CLVS1: variants seen among roughly 807,000 people sequenced by gnomAD.
The protein encoded by CLVS1 is clavesin-1.
A neutral mutation model predicts 33.1 loss-of-function variants in CLVS1; 10 were observed. The observed-to-expected ratio is 0.30, with a 90% CI of 0.19 to 0.51. CLVS1 has a LOEUF of 0.51. CLVS1 is among the 20% of genes least tolerant of loss of function. The pLI is 0.97. For missense variants in CLVS1, 343 were observed against 433.4 expected, an observed-to-expected ratio of 0.79 and a Z score of 1.85; for synonymous variants, 163 against 166.1, an observed-to-expected ratio of 0.98 and a Z score of 0.14.
At position 61,220,642 on chromosome 8, in the gene CLVS1, G is replaced by T. The variant is rs868010421; in HGVS notation, c.-151-79035G>T. On this transcript the variant is annotated intron_variant, in intron 2 of 2. Transcript: ENST00000522621. ...GCTTAGGATTGTCTTGGCTATACAG[G>T]TTTTTTTTTTTATTTTATATGAAAT... 3.3e-4 allele frequency among the ~76,000 whole-genome samples: 48 copies of T among 147,492 alleles called. No homozygotes were observed. The Middle Eastern group carries it at 0.014, about 42-fold the overall frequency.
At chr8:61,051,115 C>T in the CLVS1 span, among the ~76,000 whole-genome samples, 6 of 152,298 alleles carry the variant, frequency 3.9e-5, no homozygotes, top group Middle Eastern at 3.4e-3. Context: ...TTGCAGATTC[C>T]TAGAACATTA....
Position 61,451,812 on chromosome 8 carries a change from CAGAGAG to C in CLVS1, c.631-2299_631-2294del, listed in dbSNP as rs71257362. On this transcript the variant is annotated intron_variant, in intron 3 of 5. Transcript: ENST00000325897. ...CCTCTGTACAAAACACACACACACA[CAGAGAG>C]AGAGAGAGAGAGAGAGAGAGAGAGA... 8.5e-4 allele frequency among the ~76,000 whole-genome samples: 122 copies of C among 142,918 alleles called. No individual in the cohort carries two copies. In the Middle Eastern group the frequency reaches 0.014, roughly 16 times the overall value. 93.8% of individuals were successfully genotyped at this position (142,918 alleles called of 152,430 possible). A position where few individuals can be genotyped will look rare whatever the true frequency, so the allele number is the denominator to read the frequency against.
chr8:61,083,903 T>C (rs1805071665), intron 1 of CLVS1, among the ~76,000 whole-genome samples: 3 of 152,172 alleles, frequency 2.0e-5, no homozygotes, highest in South Asian at 2.1e-4. Flanking sequence ...GAAATAAAGA[T>C]GTACATTTAC....
intron 2 of CLVS1, among the ~76,000 whole-genome samples, chr8:61,159,042 CTTT>C (rs200077054): frequency 6.6e-6 from 1 of 151,286 alleles, no homozygotes; most frequent in Non-Finnish European, 1.5e-5. Flanking sequence ...ATTAAAAACA[CTTT>C]TTTTTTGGTA....
intron 5 of CLVS1, among the ~76,000 whole-genome samples, chr8:61,490,766 C>A (rs1318808007): frequency 6.6e-6 from 1 of 151,720 alleles, no homozygotes; most frequent in Non-Finnish European, 1.5e-5. Flanking sequence ...CAGGACCAGC[C>A]TGGCCAACAT....
chr8:61,010,360 C>T, the CLVS1 span, among the ~76,000 whole-genome samples: 1 of 152,146 alleles, frequency 6.6e-6, no homozygotes, highest in African/African-American at 2.4e-5. Flanking sequence ...ACAGGACAAC[C>T]GGATGCATTA....
intron 5 of CLVS1, among the ~76,000 whole-genome samples, chr8:61,487,887 C>T (rs947102042): frequency 6.6e-6 from 1 of 152,182 alleles, no homozygotes; most frequent in African/African-American, 2.4e-5. Context: ...TTTCGTCAGC[C>T]ATTGCCAACT....
chr8:61,349,455 A>C (rs1812358573), intron 2 of CLVS1, among the ~76,000 whole-genome samples: 1 of 152,114 alleles, frequency 6.6e-6, no homozygotes, highest in South Asian at 2.1e-4. Flanking sequence ...AGGGTCAAGG[A>C]CACCTCTCAG....
intron 5 of CLVS1, among the ~76,000 whole-genome samples, chr8:61,479,780 T>C (rs1198346745): frequency 6.6e-6 from 1 of 152,226 alleles, no homozygotes; most frequent in Non-Finnish European, 1.5e-5. Flanking sequence ...GTCCTTTCTG[T>C]TTGTTAGTTT....
chr8:61,117,697 C>A (rs1158513157), intron 1 of CLVS1, among the ~76,000 whole-genome samples: 1 of 152,122 alleles, frequency 6.6e-6, no homozygotes, highest in Non-Finnish European at 1.5e-5. Context: ...TATATTGAAC[C>A]AGCCTTGCAT....
In CLVS1 at chr8:61,388,620, A is replaced by C. The variant is rs1443446553; in HGVS notation, c.630+11841A>C. Among the ~76,000 whole-genome samples, 4 of 151,828 alleles carry C rather than the reference A, an allele frequency of 2.6e-5. No individual in the cohort carries two copies. The East Asian group carries it at 5.8e-4, about 22-fold the overall frequency. On this transcript the variant is annotated intron_variant, in intron 3 of 5. Transcript: ENST00000325897. ...GCGCACTTCATTCTTTTTTTGTTAT[A>C]TCTTTTTTATTATTTATTTTTTAAC... is the stretch of plus-strand genomic sequence containing the variant.
chr8:61,500,833 A>C lies in CLVS1; in HGVS notation c.*1291A>C, dbSNP rs914150846. 3 of 152,196 alleles carry C rather than the reference A, an allele frequency of 2.0e-5. No homozygotes were observed. Among genetic ancestry groups the C allele is most frequent in the Non-Finnish European group, 4.4e-5 (3 of 68,032 alleles). The allele number at this position is 152,196 out of a possible 1,614,324, so 9.4% of individuals were successfully genotyped here. A position where few individuals can be genotyped will look rare whatever the true frequency, so the allele number is the denominator to read the frequency against. Reference sequence around the variant, plus strand: ...GTAAAATATGATTTTACATTATTTTAAATATTTGGGAGAGTTAATTTGTTA... The same window carrying C: ...GTAAAATATGATTTTACATTATTTTCAATATTTGGGAGAGTTAATTTGTTA... On this transcript the variant is annotated 3_prime_UTR_variant, in exon 6 of 6. Coordinates refer to ENST00000325897, the MANE Select transcript of CLVS1 (RefSeq NM_173519.3).
intron 2 of CLVS1, among the ~76,000 whole-genome samples, chr8:61,353,385 C>T (rs1212798123): frequency 6.6e-6 from 1 of 151,802 alleles, no homozygotes; most frequent in African/African-American, 2.4e-5. Flanking sequence ...TAATCAATAA[C>T]AGAAAGAAAA....
At chr8:61,101,340 C>A (rs988342959) in intron 1 of CLVS1, among the ~76,000 whole-genome samples, 1 of 152,056 alleles carries the variant, frequency 6.6e-6, no homozygotes, top group Admixed American at 6.6e-5. Flanking sequence ...TGTTGAGCAT[C>A]TTTTTATGTG....
intron 2 of CLVS1, among the ~76,000 whole-genome samples, chr8:61,225,198 G>T (rs1585703729): frequency 6.6e-6 from 1 of 151,810 alleles, no homozygotes; most frequent in African/African-American, 2.4e-5. Flanking sequence ...TATGCCTGTA[G>T]TCCCAGCTAC....
intron 2 of CLVS1, among the ~76,000 whole-genome samples, chr8:61,195,922 A>T (rs1414828820): frequency 6.6e-6 from 1 of 152,168 alleles, no homozygotes; most frequent in Admixed American, 6.5e-5. Context: ...TCTGTGTACA[A>T]TCATTTCTAT....
At chr8:60,992,174 T>C in the CLVS1 span, among the ~76,000 whole-genome samples, 1 of 152,210 alleles carries the variant, frequency 6.6e-6, no homozygotes. Flanking sequence ...GAATGGCCCA[T>C]GTCTCTTCTG....
At chr8:61,170,810 A>G (rs998846438) in intron 2 of CLVS1, among the ~76,000 whole-genome samples, 44 of 152,232 alleles carry the variant, frequency 2.9e-4, no homozygotes, top group Non-Finnish European at 3.7e-4. Flanking sequence ...CTTAAAGAAT[A>G]GAGTTCTTTC....
At chr8:60,966,477 A>G in the CLVS1 span, 6 of 435,684 alleles carry the variant, frequency 1.4e-5, no homozygotes, top group Non-Finnish European at 2.3e-5. Flanking sequence ...AAGGTAAATT[A>G]TAGCCAAATT....
Sources: gnomAD v4.1 joint callset for allele counts (sites outside exome capture counted in the v4.1 genomes callset) on GRCh38, gnomAD v4.1.1 for gene constraint, MANE v1.5 for transcripts, NCBI Gene and HGNC (gene_info 2026-07-23, HGNC 2026-07-21) for gene names.